JDP2: variants seen among roughly 807,000 people sequenced by gnomAD.
JDP2 encodes Jun dimerization protein 2, also known as progesterone receptor co-activator.
JDP2 carries 9 observed loss-of-function variants against 17.1 expected under a neutral mutation model. The observed-to-expected ratio is 0.53, with a 90% confidence interval of 0.32 to 0.92. The LOEUF is 0.92. JDP2 is among the 40% of genes least tolerant of loss of function. The probability of loss-of-function intolerance (pLI) is 0.04; values close to 1 mark genes in which losing one functional copy is unlikely to be tolerated. For synonymous variants in JDP2, 107 were observed against 95.6 expected (o/e 1.12, Z -0.69); for missense variants, 179 against 220.0 (o/e 0.81, Z 1.18).
rs137876049 is a variant in JDP2, at chr14:75,438,394, C to T, written c.201+273C>T. Among the ~76,000 whole-genome samples, 160 of 151,958 alleles carry T rather than the reference C, an allele frequency of 1.1e-3. 1 individual carries two copies. The highest frequency in any genetic ancestry group is 3.3e-3 in the African/African-American group (138 of 41,420). On this transcript the variant is annotated intron_variant, in intron 2 of 3. Transcript: ENST00000651602. Reference sequence around the variant, plus strand: ...AACCTGTCTCTGGTTCTCTGGGGGGCGGTGGAAGAGTGATAATAATGACAG... The same window carrying T: ...AACCTGTCTCTGGTTCTCTGGGGGGTGGTGGAAGAGTGATAATAATGACAG...
chr14:75,436,108 CTG>C (rs1885051709), intron 1 of JDP2, among the ~76,000 whole-genome samples: 1 of 152,228 alleles, frequency 6.6e-6, no homozygotes, highest in African/African-American at 2.4e-5. Flanking sequence ...GAAATAGACT[CTG>C]GACTTGGACA....
chr14:75,468,073 C>A (rs1385646015), intron 3 of JDP2, among the ~76,000 whole-genome samples: 3 of 152,164 alleles, frequency 2.0e-5, no homozygotes, highest in Admixed American at 1.3e-4. Context: ...GCCGCTCCAC[C>A]TGTACCCTGC....
intron 3 of JDP2, among the ~76,000 whole-genome samples, chr14:75,464,424 T>A (rs559563280): frequency 2.0e-5 from 3 of 152,312 alleles, no homozygotes; most frequent in African/African-American, 7.2e-5. Context: ...ATCTGTACTG[T>A]TTATTCCCTA....
At chr14:75,468,914 C>T (rs1293077620) in intron 3 of JDP2, among the ~76,000 whole-genome samples, 1 of 152,244 alleles carries the variant, frequency 6.6e-6, no homozygotes, top group Non-Finnish European at 1.5e-5. Context: ...TGCTCTAGGT[C>T]CACCTGGCCT....
At chr14:75,445,097 G>T in intron 2 of JDP2, 1 of 985,216 alleles carries the variant, frequency 1.0e-6, no homozygotes, top group Non-Finnish European at 1.2e-6. Flanking sequence ...CAGGTCCACC[G>T]GCAACATGGA....
chr14:75,431,611 C>A (rs1450052004), intron 1 of JDP2, among the ~76,000 whole-genome samples: 1 of 152,236 alleles, frequency 6.6e-6, no homozygotes, highest in Admixed American at 6.5e-5. Flanking sequence ...AGGCCGAGGG[C>A]AGGTGCTGGG....
At chr14:75,431,172 A>G (rs6574232) in intron 1 of JDP2, among the ~76,000 whole-genome samples, 104,057 of 152,140 alleles carry the variant, frequency 0.68, 36,375 homozygotes, top group African/African-American at 0.83. Flanking sequence ...AGCTTGTCCA[A>G]TGGTTGTACG....
chr14:75,468,454 G>C (rs924620692), intron 3 of JDP2, among the ~76,000 whole-genome samples: 12 of 152,112 alleles, frequency 7.9e-5, no homozygotes, highest in African/African-American at 2.4e-4. Context: ...AAATCATTCA[G>C]ATGCTGTTTT....
chr14:75,443,774 G>A (rs938115877), intron 2 of JDP2, among the ~76,000 whole-genome samples: 2 of 152,190 alleles, frequency 1.3e-5, no homozygotes, highest in Non-Finnish European at 2.9e-5. Flanking sequence ...TGGTGAGGAC[G>A]TGGCTGGATC....
At chr14:75,450,728 G>C (rs1885812756) in intron 2 of JDP2, among the ~76,000 whole-genome samples, 1 of 152,242 alleles carries the variant, frequency 6.6e-6, no homozygotes, top group African/African-American at 2.4e-5. Flanking sequence ...CAGGTCACCA[G>C]CTCTGTGGAT....
At chr14:75,447,516 G>A (rs1399682669) in intron 2 of JDP2, among the ~76,000 whole-genome samples, 2 of 152,176 alleles carry the variant, frequency 1.3e-5, no homozygotes, top group Non-Finnish European at 1.5e-5. Context: ...ACACCTTGGA[G>A]AGCACTGCCA....
At chr14:75,429,964 C>G (rs539621166) in intron 1 of JDP2, among the ~76,000 whole-genome samples, 8 of 151,610 alleles carry the variant, frequency 5.3e-5, no homozygotes, top group Non-Finnish European at 1.2e-4. Context: ...AGACCTCTGG[C>G]TTTTCTCCTA....
chr14:75,446,071 A>G lies in JDP2; in HGVS notation c.201+7950A>G, dbSNP rs556512889. Among the ~76,000 whole-genome samples the G allele has an allele frequency of 4.4e-4, 67 of 152,374 alleles. No homozygotes were observed. The South Asian group carries it at 9.7e-3, about 22-fold the overall frequency. On this transcript the variant is annotated intron_variant, in intron 2 of 3. Coordinates refer to ENST00000651602, the MANE Select transcript of JDP2 (RefSeq NM_001135048.2). ...TGAAAAAATGCTCAACATCATAGCC[A>G]TCAAGGAAATACAAGTCAAAAACCA...
intron 3 of JDP2, among the ~76,000 whole-genome samples, 164 bp from the exon 4 acceptor site, chr14:75,469,126 G>A (rs1346105575): frequency 6.6e-6 from 1 of 152,256 alleles, no homozygotes; most frequent in Non-Finnish European, 1.5e-5. Flanking sequence ...GGCACTGCCT[G>A]CAGAAAGTCA....
At chr14:75,441,228 G>A (rs775765068) in intron 2 of JDP2, among the ~76,000 whole-genome samples, 6 of 152,180 alleles carry the variant, frequency 3.9e-5, no homozygotes, top group Non-Finnish European at 8.8e-5. Context: ...CCTTGCAGAG[G>A]CCAGCAGTCT....
At position 75,428,286 on chromosome 14, in the gene JDP2, A is replaced by T. The variant is rs1358313533; in HGVS notation, c.-24+34A>T. 1 of 146,034 alleles carries T rather than the reference A, an allele frequency of 6.8e-6. No homozygotes were observed. The highest frequency in any genetic ancestry group is 1.5e-5 in the Non-Finnish European group (1 of 65,742). The allele number at this position is 146,034 out of a possible 1,614,324, so 9.0% of individuals were successfully genotyped here. ...GAGGGCGCGCGCTGGGGGCGCCGGG[A>T]CGGGCGGGGCGGGGCAGGGCGCGGC... On this transcript the variant is annotated intron_variant, in intron 1 of 3. Transcript: ENST00000651602. This position sits in a 1 kb window ranked among gnomAD's most constrained non-coding sequence, Gnocchi z 5.6.
chr14:75,451,038 T>C (rs1430179023), intron 2 of JDP2, among the ~76,000 whole-genome samples: 1 of 152,060 alleles, frequency 6.6e-6, no homozygotes, highest in Non-Finnish European at 1.5e-5. Flanking sequence ...AAGTGTATGG[T>C]ATATGGCACC....
chr14:75,437,778 G>A, intron 1 of JDP2, 120 bp from the exon 2 acceptor site: 1 of 656,190 alleles, frequency 1.5e-6, no homozygotes. Context: ...CAGCTGGGTG[G>A]GAAAGGGATT....
chr14:75,432,314 T>G (rs1252413753), intron 1 of JDP2: 3 of 1,551,522 alleles, frequency 1.9e-6, no homozygotes, highest in Middle Eastern at 1.7e-4. Flanking sequence ...TGGTGGTTGA[T>G]TCTCCAAGAT....
Sources: allele counts gnomAD v4.1 joint callset (sites outside exome capture counted in the v4.1 genomes callset), GRCh38; gene constraint gnomAD v4.1.1; non-coding constraint Gnocchi (gnomAD v3.1); transcripts MANE v1.5; gene names NCBI Gene and HGNC (gene_info 2026-07-23, HGNC 2026-07-21).